ENTPD1: variants seen among roughly 807,000 people sequenced by gnomAD.
ENTPD1 encodes the protein ATP diphosphohydrolase.
A neutral mutation model predicts 57.0 loss-of-function variants in ENTPD1; 33 were observed. The observed-to-expected ratio is 0.58, with a 90% CI of 0.44 to 0.77. The LOEUF is 0.77. Among genes scored for constraint, ENTPD1 ranks in the 30% least tolerant of loss-of-function variants. The pLI is 0.00. For synonymous variants in ENTPD1, 202 were observed against 218.8 expected, an observed-to-expected ratio of 0.92 and a Z score of 0.68; for missense variants, 501 against 603.4, an observed-to-expected ratio of 0.83 and a Z score of 1.78.
At chr10:95,700,819 T>C in the ENTPD1 span, among the ~76,000 whole-genome samples, 1 of 151,632 alleles carries the variant, frequency 6.6e-6, no homozygotes, top group South Asian at 2.1e-4. Context: ...TGAGACCAAG[T>C]TTCGCTCTTG....
chr10:95,755,848 G>C, upstream of ENTPD1: 10 of 1,505,676 alleles, frequency 6.6e-6, no homozygotes, highest in Non-Finnish European at 8.9e-6. Flanking sequence ...ACTTTTTCAA[G>C]GGAGAAAAAG....
chr10:95,747,543 A>G (rs549081369), intron 1 of ENTPD1, among the ~76,000 whole-genome samples: 15 of 152,258 alleles, frequency 9.9e-5, no homozygotes, highest in African/African-American at 3.4e-4. Context: ...TGTCCCCCCT[A>G]TCTGGCCCCT....
chr10:95,811,130 C>A (rs2098305079), intron 1 of ENTPD1, among the ~76,000 whole-genome samples: 1 of 152,182 alleles, frequency 6.6e-6, no homozygotes, highest in African/African-American at 2.4e-5. Context: ...AGATACATAA[C>A]CCCAGAGGGG....
chr10:95,719,633 A>C (rs929690021), intron 1 of ENTPD1, among the ~76,000 whole-genome samples: 3 of 152,346 alleles, frequency 2.0e-5, no homozygotes, highest in South Asian at 4.1e-4. Context: ...TTGTAGCCAC[A>C]GGTGGCGAGG....
At chr10:95,793,324 T>C (rs1459341197) in intron 1 of ENTPD1, among the ~76,000 whole-genome samples, 1 of 152,120 alleles carries the variant, frequency 6.6e-6, no homozygotes, top group Non-Finnish European at 1.5e-5. Context: ...ATGGATGGGA[T>C]ATGTTGAGTT....
At chr10:95,718,783 A>G (rs1254638595) in intron 1 of ENTPD1, among the ~76,000 whole-genome samples, 2 of 152,172 alleles carry the variant, frequency 1.3e-5, no homozygotes, top group Admixed American at 6.5e-5. Flanking sequence ...TCCTTTTTCT[A>G]CAAAGGAACT....
intron 2 of ENTPD1, among the ~76,000 whole-genome samples, chr10:95,828,295 TG>T (rs1402455828): frequency 6.6e-6 from 1 of 152,212 alleles, no homozygotes; most frequent in African/African-American, 2.4e-5. Context: ...TAATGCCGGA[TG>T]ATCTGTCACT....
the ENTPD1 span, chr10:95,694,226 T>C: frequency 5.5e-6 from 2 of 360,588 alleles, no homozygotes; most frequent in Non-Finnish European, 5.1e-6. Context: ...CGCGCCCACT[T>C]CGCGGCCCAG....
At chr10:95,794,164 A>T (rs1402574911) in intron 1 of ENTPD1, among the ~76,000 whole-genome samples, 1 of 152,174 alleles carries the variant, frequency 6.6e-6, no homozygotes, top group Non-Finnish European at 1.5e-5. Context: ...AACTCATTGA[A>T]TTTTAAAAAG....
intron 1 of ENTPD1, among the ~76,000 whole-genome samples, chr10:95,798,044 A>T (rs1249858751): frequency 6.6e-6 from 1 of 152,156 alleles, no homozygotes; most frequent in Non-Finnish European, 1.5e-5. Flanking sequence ...GATCATTCAT[A>T]TTTAAAGGGT....
chr10:95,814,164 G>T (rs2098321261), intron 1 of ENTPD1, among the ~76,000 whole-genome samples: 1 of 152,142 alleles, frequency 6.6e-6, no homozygotes, highest in Non-Finnish European at 1.5e-5. Context: ...ACATCACTTT[G>T]CCGGAAACAG....
chr10:95,855,667 A>G (rs183353604), intron 7 of ENTPD1, among the ~76,000 whole-genome samples: 1 of 152,292 alleles, frequency 6.6e-6, no homozygotes, highest in East Asian at 1.9e-4. Flanking sequence ...GCTTGTCTGT[A>G]AAGTATTTTA....
intron 1 of ENTPD1, among the ~76,000 whole-genome samples, chr10:95,780,015 C>T (rs2098150314): frequency 1.3e-5 from 2 of 152,134 alleles, no homozygotes; most frequent in South Asian, 4.1e-4. Context: ...ACATACCAGA[C>T]TCAAGACTAA....
chr10:95,738,510 G>A (rs779217966), intron 1 of ENTPD1, among the ~76,000 whole-genome samples: 1 of 152,126 alleles, frequency 6.6e-6, no homozygotes, highest in Non-Finnish European at 1.5e-5. Context: ...TGGATATAGT[G>A]GGCAGTCAGC....
At position 95,871,887 on chromosome 10, in the gene ENTPD1, A is replaced by C; in HGVS notation, c.*5504A>C. On this transcript the variant is annotated 3_prime_UTR_variant, in exon 10 of 10. Transcript: ENST00000371205. ...ACATCACCTCTTCTAATGAAGTTCT[A>C]AGAAGAGAGGGAAGAAAAAGTCTTG... The C allele has an allele frequency of 1.0e-6, 1 of 985,372 alleles. No individual in the cohort carries two copies. Among genetic ancestry groups the C allele is most frequent in the Non-Finnish European group, 1.2e-6 (1 of 829,892 alleles). 61.0% of individuals were successfully genotyped at this position (985,372 alleles called of 1,614,324 possible). A position where few individuals can be genotyped will look rare whatever the true frequency, so the allele number is the denominator to read the frequency against.
At chr10:95,792,884 T>G (rs1418753557) in intron 1 of ENTPD1, among the ~76,000 whole-genome samples, 1 of 152,130 alleles carries the variant, frequency 6.6e-6, no homozygotes, top group Non-Finnish European at 1.5e-5. Context: ...ATTCATGGCT[T>G]TGGTGTGCGT....
At position 95,866,606 on chromosome 10, in the gene ENTPD1, G is replaced by A; in HGVS notation, c.*223G>A. On this transcript the variant is annotated 3_prime_UTR_variant, in exon 10 of 10. Coordinates refer to ENST00000371205, the MANE Select transcript of ENTPD1 (RefSeq NM_001776.6). The stretch of plus-strand genomic sequence containing the variant: ...CTGTCTCTTTCATGAGTTTTTCCCA[G>A]CTACACCTTTCTCCTTTGTACTTTG... The A allele has an allele frequency of 7.2e-7, 1 of 1,396,646 alleles. No individual in the cohort carries two copies. Among genetic ancestry groups the A allele is most frequent in the Non-Finnish European group, 9.3e-7 (1 of 1,076,350 alleles). The allele number at this position is 1,396,646 out of a possible 1,614,324, so 86.5% of individuals were successfully genotyped here. A position where few individuals can be genotyped will look rare whatever the true frequency, so the allele number is the denominator to read the frequency against.
At chr10:95,754,188 A>G (rs1344867928), upstream of ENTPD1, 1 of 151,806 alleles carries the variant, frequency 6.6e-6, no homozygotes, top group East Asian at 1.9e-4. Context: ...GGGCGCCTGT[A>G]ATCCCAGCTA....
At chr10:95,816,624 C>T (rs2098330901) in intron 1 of ENTPD1, among the ~76,000 whole-genome samples, 1 of 152,110 alleles carries the variant, frequency 6.6e-6, no homozygotes, top group Non-Finnish European at 1.5e-5. Flanking sequence ...TGGAGTGATG[C>T]AGCCACAAGC....
Sources: allele counts gnomAD v4.1 joint callset (sites outside exome capture counted in the v4.1 genomes callset), GRCh38; gene constraint gnomAD v4.1.1; transcripts MANE v1.5; gene names NCBI Gene and HGNC (gene_info 2026-07-23, HGNC 2026-07-21).